The following FAP variants were observed in gnomAD, a reference collection of about 807,000 sequenced individuals.
FAP encodes fibroblast activation protein alpha.
A neutral mutation model predicts 126.5 loss-of-function variants in FAP; 110 were observed. That is an observed-to-expected ratio of 0.87 (90% confidence interval 0.74 to 1.02). The LOEUF is 1.02. Among genes scored for constraint, FAP ranks in the 50% least tolerant of loss-of-function variants. FAP has a pLI of 0.00. For missense variants in FAP, 919 were observed against 909.2 expected (o/e 1.01, Z -0.14); for synonymous variants, 334 against 297.3 (o/e 1.12, Z -1.27).
intron 21 of FAP, among the ~76,000 whole-genome samples, chr2:162,180,684 A>G (rs780553116): frequency 4.7e-4 from 71 of 152,226 alleles, no homozygotes; most frequent in Non-Finnish European, 9.3e-4. Context: ...AACAGCTCTC[A>G]GATTTCGAAT....
intron 16 of FAP, 98 bp from the exon 17 acceptor site, chr2:162,194,846 CCA>C: frequency 9.9e-7 from 1 of 1,012,106 alleles, no homozygotes; most frequent in Non-Finnish European, 1.6e-6. Flanking sequence ...GTGTCAAGTG[CCA>C]GTACATCTTT....
chr2:162,208,430 C>G (rs965764053), intron 12 of FAP, among the ~76,000 whole-genome samples: 2 of 152,124 alleles, frequency 1.3e-5, no homozygotes, highest in African/African-American at 4.8e-5. Context: ...GTTTTGAACA[C>G]TGCAGCATTG....
At chr2:162,219,015 T>C in intron 8 of FAP, 48 bp downstream of exon 8, 1 of 1,447,820 alleles carries the variant, frequency 6.9e-7, no homozygotes, top group Non-Finnish European at 9.2e-7. Context: ...GAAATTATTT[T>C]AAATTAAAAG....
In FAP at chr2:162,216,584, C is replaced by T. The variant is rs113217871; in HGVS notation, c.763-583G>A. On this transcript the variant is annotated intron_variant, in intron 9 of 25. Transcript: ENST00000188790. The stretch of plus-strand genomic sequence containing the variant: ...AGATTTATACTTTTCTTGTTTTGTG[C>T]TTTCTATACTACTGTATGCTTAAAA... 1.3e-3 allele frequency among the ~76,000 whole-genome samples: 193 copies of T among 152,276 alleles called. 2 individuals carry two copies. Among genetic ancestry groups the T allele is most frequent in the African/African-American group, 4.3e-3 (177 of 41,578 alleles).
At chr2:162,222,171 T>C (rs1222049111) in intron 6 of FAP, among the ~76,000 whole-genome samples, 1 of 152,208 alleles carries the variant, frequency 6.6e-6, no homozygotes, top group Non-Finnish European at 1.5e-5. Context: ...AATTTCAAAA[T>C]GATTAAAAGA....
At chr2:162,201,996 T>G (rs1688517436) in intron 14 of FAP, among the ~76,000 whole-genome samples, 1 of 152,208 alleles carries the variant, frequency 6.6e-6, no homozygotes, top group African/African-American at 2.4e-5. Context: ...TTGCCCTCCA[T>G]TCAAAGAATT....
intron 12 of FAP, among the ~76,000 whole-genome samples, chr2:162,209,466 C>T (rs1452452110): frequency 1.3e-5 from 2 of 152,024 alleles, no homozygotes; most frequent in African/African-American, 4.8e-5. Context: ...CTATTTGATA[C>T]CAAATCATTA....
intron 2 of FAP, among the ~76,000 whole-genome samples, chr2:162,227,363 C>T (rs1350958983): frequency 6.6e-6 from 1 of 152,118 alleles, no homozygotes; most frequent in Non-Finnish European, 1.5e-5. Context: ...TTGAATACTT[C>T]AAAACCATTG....
Position 162,183,727 on chromosome 2 carries a change from A to C in FAP, c.1815-259T>G, listed in dbSNP as rs955801692. ...AGAGCGGTATAAGGCCTTGTAGTCT[A>C]ATCGTGGGGGTGTACCTGAGACTCA... On this transcript the variant is annotated intron_variant, in intron 20 of 25. Coordinates refer to ENST00000188790, the MANE Select transcript of FAP (RefSeq NM_004460.5). 1.3e-5 allele frequency: 4 copies of C among 308,914 alleles called. No individual in the cohort carries two copies. In the Admixed American group the frequency reaches 2.1e-4, roughly 16 times the overall value. 19.1% of individuals were successfully genotyped at this position (308,914 alleles called of 1,614,324 possible).
intron 20 of FAP, among the ~76,000 whole-genome samples, chr2:162,185,739 C>T (rs1434796954): frequency 6.6e-6 from 1 of 151,938 alleles, no homozygotes; most frequent in African/African-American, 2.4e-5. Context: ...GTAAAAGATT[C>T]AGGGGAGAAA....
chr2:162,225,401 T>A, intron 4 of FAP, 82 bp downstream of exon 4: 1 of 1,526,150 alleles, frequency 6.6e-7, no homozygotes, highest in South Asian at 1.2e-5. Flanking sequence ...CCAGATCAGG[T>A]GCTAAGACTT....
intron 16 of FAP, 191 bp downstream of exon 16, chr2:162,198,566 C>T: frequency 1.2e-6 from 1 of 813,338 alleles, no homozygotes; most frequent in African/African-American, 1.7e-5. Flanking sequence ...ACTCTGTTTC[C>T]TCAGTTGCAA....
intron 12 of FAP, among the ~76,000 whole-genome samples, chr2:162,205,874 T>C (rs770614834): frequency 3.0e-4 from 45 of 152,072 alleles, no homozygotes; most frequent in Non-Finnish European, 5.9e-4. Flanking sequence ...CCTTAATCAC[T>C]AAAATAAAAC....
chr2:162,220,022 A>T, intron 6 of FAP, 97 bp from the exon 7 acceptor site: 1 of 822,554 alleles, frequency 1.2e-6, no homozygotes, highest in Non-Finnish European at 2.0e-6. Context: ...AACAATGAAA[A>T]TTAAGGATCA....
chr2:162,203,959 A>C (rs1688598915), intron 12 of FAP, among the ~76,000 whole-genome samples: 1 of 152,168 alleles, frequency 6.6e-6, no homozygotes, highest in Non-Finnish European at 1.5e-5. Context: ...CTTGTCTTAC[A>C]TTTGCTGACT....
At chr2:162,225,252 T>C (rs1689588637) in intron 4 of FAP, among the ~76,000 whole-genome samples, 1 of 152,170 alleles carries the variant, frequency 6.6e-6, no homozygotes, top group African/African-American at 2.4e-5. Flanking sequence ...TCTTAACTCC[T>C]ATCTTATGCT....
chr2:162,234,251 A>C (rs1347043012), intron 2 of FAP, among the ~76,000 whole-genome samples: 1 of 152,220 alleles, frequency 6.6e-6, no homozygotes, highest in Admixed American at 6.5e-5. Flanking sequence ...AAAGAAAGCT[A>C]TCCAGGATTT....
At chr2:162,230,870 A>G (rs1323690578) in intron 2 of FAP, among the ~76,000 whole-genome samples, 1 of 152,114 alleles carries the variant, frequency 6.6e-6, no homozygotes, top group East Asian at 1.9e-4. Flanking sequence ...ATTTTGCTCA[A>G]TGCACTCCTG....
intron 5 of FAP, 32 bp downstream of exon 5, chr2:162,224,434 A>T: frequency 7.6e-7 from 1 of 1,320,190 alleles, no homozygotes; most frequent in Non-Finnish European, 1.1e-6. Context: ...TAGGAGATAC[A>T]ATTGGATATA....
Sources: allele counts gnomAD v4.1 joint callset (sites outside exome capture counted in the v4.1 genomes callset), GRCh38; gene constraint gnomAD v4.1.1; transcripts MANE v1.5; gene names NCBI Gene and HGNC (gene_info 2026-07-23, HGNC 2026-07-21).